The following STAU2 variants were observed in gnomAD, a reference collection of about 807,000 sequenced individuals.
The protein encoded by STAU2 is staufen double-stranded RNA binding protein 2.
STAU2 carries 20 observed loss-of-function variants against 65.9 expected under a neutral mutation model. That is an observed-to-expected ratio of 0.30 (90% CI 0.21 to 0.44). STAU2 has a LOEUF of 0.44. Ranked by LOEUF, STAU2 falls within the 20% of genes least tolerant of loss-of-function variation. The pLI is 1.00. For missense variants in STAU2, 558 were observed against 683.9 expected, an observed-to-expected ratio of 0.82 and a Z score of 2.05; for synonymous variants, 232 against 233.9, an observed-to-expected ratio of 0.99 and a Z score of 0.07.
chr8:73,565,342 T>C (rs1375286237), intron 12 of STAU2, among the ~76,000 whole-genome samples: 1 of 152,098 alleles, frequency 6.6e-6, no homozygotes, highest in East Asian at 1.9e-4. Context: ...TGTGCTTGCT[T>C]CCCCTTTGCC....
intron 13 of STAU2, among the ~76,000 whole-genome samples, chr8:73,504,436 G>C (rs1821938965): frequency 6.6e-6 from 1 of 152,078 alleles, no homozygotes; most frequent in African/African-American, 2.4e-5. Flanking sequence ...ATCAACACAA[G>C]TTGTAGATTC....
chr8:73,542,698 A>G (rs1806622599), intron 13 of STAU2, among the ~76,000 whole-genome samples: 1 of 152,184 alleles, frequency 6.6e-6, no homozygotes, highest in East Asian at 1.9e-4. Context: ...CAAATGACCA[A>G]TAAGCACATG....
chr8:73,630,149 T>C (rs1813980330), intron 6 of STAU2, among the ~76,000 whole-genome samples: 1 of 152,242 alleles, frequency 6.6e-6, no homozygotes. Flanking sequence ...AATTAATTTG[T>C]AAAATTTTTC....
chr8:73,449,212 G>T (rs1476269013), intron 13 of STAU2, among the ~76,000 whole-genome samples: 2 of 152,248 alleles, frequency 1.3e-5, no homozygotes, highest in African/African-American at 2.4e-5. Flanking sequence ...CCATCCCACA[G>T]ACCGCCACTG....
chr8:73,552,618 A>G (rs1002505822), intron 12 of STAU2, among the ~76,000 whole-genome samples: 2 of 152,192 alleles, frequency 1.3e-5, no homozygotes, highest in African/African-American at 4.8e-5. Context: ...TGGAAGTATA[A>G]TGGGGCAGAA....
At chr8:73,653,976 G>A (rs1403509975) in intron 6 of STAU2, 3 of 320,764 alleles carry the variant, frequency 9.4e-6, no homozygotes, top group Middle Eastern at 4.2e-4. Flanking sequence ...ATGTGGTTAG[G>A]AAGAGGGAAG....
chr8:73,506,940 A>C (rs1822103911), intron 13 of STAU2, among the ~76,000 whole-genome samples: 1 of 152,180 alleles, frequency 6.6e-6, no homozygotes, highest in South Asian at 2.1e-4. Context: ...ATCCATAAGA[A>C]GTTCAAGTTT....
intron 6 of STAU2, among the ~76,000 whole-genome samples, chr8:73,640,384 ATACCTAAACT>A (rs1814866053): frequency 6.6e-6 from 1 of 152,168 alleles, no homozygotes; most frequent in Non-Finnish European, 1.5e-5. Context: ...TATATTGGAT[ATACCTAAACT>A]TATAATCCCA....
chr8:73,536,906 T>C (rs187907032), intron 13 of STAU2, among the ~76,000 whole-genome samples: 16 of 152,294 alleles, frequency 1.1e-4, no homozygotes, highest in Admixed American at 1.0e-3. Flanking sequence ...ATCACCCTTA[T>C]ACCAAGAACC....
chr8:73,485,380 T>C (rs1040742482), intron 13 of STAU2, among the ~76,000 whole-genome samples: 2 of 152,072 alleles, frequency 1.3e-5, no homozygotes, highest in African/African-American at 4.8e-5. Context: ...ACAGGCACAA[T>C]TCTGTGAATG....
intron 13 of STAU2, among the ~76,000 whole-genome samples, chr8:73,502,907 T>C (rs936860029): frequency 2.0e-4 from 30 of 152,122 alleles, no homozygotes; most frequent in African/African-American, 7.0e-4. Flanking sequence ...GTTTATTGAA[T>C]GATTAACTTT....
intron 1 of STAU2, among the ~76,000 whole-genome samples, chr8:73,740,425 G>C (rs1806766671): frequency 6.6e-6 from 1 of 152,084 alleles, no homozygotes. Flanking sequence ...GAGCAAATGA[G>C]TAACATTAGA....
chr8:73,476,226 C>T (rs1820322074), intron 13 of STAU2, among the ~76,000 whole-genome samples: 2 of 152,308 alleles, frequency 1.3e-5, no homozygotes, highest in South Asian at 4.1e-4. Context: ...GGCCCTTCTA[C>T]ACACCTCTGA....
chr8:73,504,310 G>C (rs1350198294), intron 13 of STAU2, among the ~76,000 whole-genome samples: 1 of 151,972 alleles, frequency 6.6e-6, no homozygotes, highest in African/African-American at 2.4e-5. Flanking sequence ...TTCAATACTT[G>C]GCATTTCCCA....
intron 3 of STAU2, among the ~76,000 whole-genome samples, chr8:73,732,169 G>A (rs939633870): frequency 3.9e-5 from 6 of 152,162 alleles, no homozygotes; most frequent in African/African-American, 1.4e-4. Context: ...GGCTAGAGAG[G>A]CCTCAGTTCC....
intron 11 of STAU2, among the ~76,000 whole-genome samples, chr8:73,593,878 CAT>C (rs1234890570): frequency 5.4e-5 from 1 of 18,650 alleles, no homozygotes; most frequent in Non-Finnish European, 9.3e-5. Flanking sequence ...CAGACACACA[CAT>C]ACACACACAC....
At chr8:73,570,693 C>A (rs1809008257) in intron 12 of STAU2, among the ~76,000 whole-genome samples, 1 of 152,092 alleles carries the variant, frequency 6.6e-6, no homozygotes, top group South Asian at 2.1e-4. Flanking sequence ...TTAAGGGCAG[C>A]CAGAGAGAAA....
chr8:73,575,813 T>TAC (rs1809498659), intron 12 of STAU2, among the ~76,000 whole-genome samples: 1 of 15,738 alleles, frequency 6.4e-5, no homozygotes. Context: ...TCTGGGACAA[T>TAC]ACACACACAA....
At chr8:73,607,602 T>C (rs1334715820) in intron 9 of STAU2, among the ~76,000 whole-genome samples, 1 of 151,752 alleles carries the variant, frequency 6.6e-6, no homozygotes, top group Non-Finnish European at 1.5e-5. Flanking sequence ...CCGGGCATGG[T>C]GGCACATGTC....
Sources: allele counts gnomAD v4.1 joint callset (sites outside exome capture counted in the v4.1 genomes callset), GRCh38; gene constraint gnomAD v4.1.1; transcripts MANE v1.5; gene names NCBI Gene and HGNC (gene_info 2026-07-23, HGNC 2026-07-21).